The following ZNF445 variants were observed in gnomAD, a reference collection of about 807,000 sequenced individuals.
The protein encoded by ZNF445 is zinc finger protein 445.
ZNF445 carries 19 observed loss-of-function variants against 93.9 expected under a neutral mutation model. The observed-to-expected ratio is 0.20, with a 90% CI of 0.14 to 0.30. ZNF445 has a LOEUF of 0.30. Ranked by LOEUF, ZNF445 falls within the 10% of genes least tolerant of loss-of-function variation. ZNF445 has a pLI of 1.00. For missense variants in ZNF445, 1,058 were observed against 1,259.4 expected, an observed-to-expected ratio of 0.84 and a Z score of 2.42; for synonymous variants, 449 against 446.3, an observed-to-expected ratio of 1.01 and a Z score of -0.08.
chr3:44,463,507 C>T (rs553416807), intron 1 of ZNF445, among the ~76,000 whole-genome samples: 2 of 152,216 alleles, frequency 1.3e-5, no homozygotes, highest in Non-Finnish European at 2.9e-5. Context: ...TGATAGATCC[C>T]TTTCAAAATC....
Position 44,447,436 on chromosome 3 carries a change from C to T in ZNF445, c.2235G>A (p.Gln745=), listed in dbSNP as rs1280213775. 2 of 1,614,194 alleles carry T rather than the reference C, an allele frequency of 1.2e-6. No homozygotes were observed. Among genetic ancestry groups the T allele is most frequent in the South Asian group, 2.2e-5 (2 of 91,082 alleles). ...TCTGAGGAACCTGGAACACTGTGTC[C>T]TGACTAAAAGATGGCCCGCCCTCAG... ...RKPEGGPSFS[Q]DTVFQVPQSS... is the part of the protein sequence containing the mutation. Residue 745 remains glutamine (Q), a synonymous_variant, in exon 8 of 8, where the codon CAG becomes CAA. Transcript: ENST00000396077. The surrounding 1 kb of genome is among the most constrained non-coding windows in gnomAD (Gnocchi z 4.7).
rs547009171 is a variant in ZNF445 at position 44,472,836 on chromosome 3, TAC to T, written c.-269+4753_-269+4754del. Among the ~76,000 whole-genome samples the T allele has an allele frequency of 3.9e-3, 597 of 152,288 alleles. 3 individuals are homozygous for T. The highest frequency in any genetic ancestry group is 0.014 in the African/African-American group (566 of 41,548). ...CTTCTTGCTGAGATTATATCACAATTACACTCAGAACTGGGAAGGAACATGAG... is the reference window on the plus strand; with the variant it reads ...CTTCTTGCTGAGATTATATCACAATTACTCAGAACTGGGAAGGAACATGAG... On this transcript the variant is annotated intron_variant, in intron 1 of 7. Coordinates refer to ENST00000396077, the MANE Select transcript of ZNF445 (RefSeq NM_181489.6).
Position 44,431,866 on chromosome 3 carries a change from G to C in ZNF445, c.*14709C>G, listed in dbSNP as rs1055722010. Reference sequence around the variant, plus strand: ...GACCTAAAGGGTGAAAACAACCACAGACAATATGTAAATGAATGAATATAT... The same window carrying C: ...GACCTAAAGGGTGAAAACAACCACACACAATATGTAAATGAATGAATATAT... On this transcript the variant is annotated 3_prime_UTR_variant, in exon 8 of 8. Coordinates refer to ENST00000396077, the MANE Select transcript of ZNF445 (RefSeq NM_181489.6). 2.0e-5 allele frequency: 3 copies of C among 152,146 alleles called. No homozygotes were observed. The highest frequency in any genetic ancestry group is 7.2e-5 in the African/African-American group (3 of 41,428). The allele number at this position is 152,146 out of a possible 1,614,324, so 9.4% of individuals were successfully genotyped here. A position where few individuals can be genotyped will look rare whatever the true frequency, so the allele number is the denominator to read the frequency against.
At chr3:44,460,446 C>T (rs1039373093) in intron 1 of ZNF445, among the ~76,000 whole-genome samples, 1 of 152,178 alleles carries the variant, frequency 6.6e-6, no homozygotes, top group Non-Finnish European at 1.5e-5. Flanking sequence ...TAGCTGGAAG[C>T]TACAAGATTC....
intron 1 of ZNF445, among the ~76,000 whole-genome samples, chr3:44,469,529 G>A (rs1482079062): frequency 1.3e-5 from 2 of 152,146 alleles, no homozygotes; most frequent in Non-Finnish European, 2.9e-5. Flanking sequence ...AGCACTTTGG[G>A]AGGCTAAGGC....
chr3:44,462,371 G>C (rs1320641372), intron 1 of ZNF445, among the ~76,000 whole-genome samples: 1 of 152,148 alleles, frequency 6.6e-6, no homozygotes, highest in African/African-American at 2.4e-5. Context: ...TCATGTCATA[G>C]GTAGCCCTAA....
intron 3 of ZNF445, chr3:44,454,888 A>C (rs1698006205): frequency 7.0e-6 from 4 of 569,758 alleles, no homozygotes; most frequent in Non-Finnish European, 9.4e-6. Flanking sequence ...ATTTATGGAG[A>C]CTTGCTGACC....
intron 2 of ZNF445, among the ~76,000 whole-genome samples, chr3:44,457,002 G>A (rs972649939): frequency 6.6e-6 from 1 of 152,160 alleles, no homozygotes; most frequent in African/African-American, 2.4e-5. Flanking sequence ...GGTGGCATGT[G>A]CCTATAATCC....
At chr3:44,459,665 A>G (rs781624364) in intron 1 of ZNF445, among the ~76,000 whole-genome samples, 14 of 152,252 alleles carry the variant, frequency 9.2e-5, no homozygotes, top group Admixed American at 2.0e-4. Flanking sequence ...CAAATAGTAG[A>G]TGGAAGAAAC....
chr3:44,477,505 G>C (rs943345876), intron 1 of ZNF445, 86 bp downstream of exon 1: 3 of 152,270 alleles, frequency 2.0e-5, no homozygotes, highest in African/African-American at 7.2e-5. Context: ...CGCCGCCCGG[G>C]CAGGCCCGAG....
chr3:44,448,381 G>T lies in ZNF445; in HGVS notation c.1290C>A (p.Tyr430Ter), dbSNP rs1559392071. The T allele has an allele frequency of 6.2e-7, 1 of 1,614,210 alleles. No homozygotes were observed. The highest frequency in any genetic ancestry group is 8.5e-7 in the Non-Finnish European group (1 of 1,180,050). Residue 430 changes from tyrosine to a stop codon, truncating the protein, a stop_gained, in exon 8 of 8, where the codon TAC (tyrosine) becomes TAA (stop). Coordinates refer to ENST00000396077, the MANE Select transcript of ZNF445 (RefSeq NM_181489.6). LOFTEE classifies it high-confidence loss of function. The stretch of plus-strand genomic sequence containing the variant: ...GTCTGAGCCCCTTCCCATATTTCTT[G>T]TAGTCATAGTGGTGTGAACTCATTC... ...HFRMSSHHYD[Y>*]KKYGKGLRHM...
chr3:44,447,762 T>G lies in ZNF445; in HGVS notation c.1909A>C (p.Arg637=). 6.2e-7 allele frequency: 1 copy of G among 1,614,186 alleles called. No individual in the cohort carries two copies. The highest frequency in any genetic ancestry group is 2.2e-5 in the East Asian group (1 of 44,878). The change falls in exon 8 of 8, where the codon AGA becomes CGA. Residue 637 remains arginine, a synonymous_variant. Transcript: ENST00000396077. The surrounding 1 kb of genome is among the most constrained non-coding windows in gnomAD (Gnocchi z 4.7). ...CTKCRKTFRW[R]SNFTRHMRLH... is the part of the protein sequence containing the mutation. ...CTCATATGACGAGTAAAGTTTGATC[T>G]CCATCTAAAGGTTTTCCTACATTTG... is the stretch of plus-strand genomic sequence containing the variant.
chr3:44,460,459 A>G (rs1487305377), intron 1 of ZNF445, among the ~76,000 whole-genome samples: 2 of 151,944 alleles, frequency 1.3e-5, no homozygotes, highest in African/African-American at 4.8e-5. Flanking sequence ...CAAGATTCTG[A>G]CCCTCCCTAA....
At chr3:44,451,289 G>T (rs769613921) in intron 4 of ZNF445, 25 bp downstream of exon 4, 21 of 1,607,982 alleles carry the variant, frequency 1.3e-5, no homozygotes, top group Non-Finnish European at 8.5e-7. Flanking sequence ...ATAAGGCTGG[G>T]GTCTTAAGGC....
rs1697628827 is a variant in ZNF445 at position 44,434,295 on chromosome 3, TGTA to T, written c.*12277_*12279del. ...TTAGCCGGGCGTGGTGGCGCACACC[TGTA>T]GTCCCAACAGGCTGAGGAAGCAGCT... On this transcript the variant is annotated 3_prime_UTR_variant, in exon 8 of 8. Transcript: ENST00000396077. The T allele has an allele frequency of 6.6e-6, 1 of 150,540 alleles. No individual in the cohort carries two copies. The highest frequency in any genetic ancestry group is 2.1e-4 in the South Asian group (1 of 4,772). 9.3% of individuals were successfully genotyped at this position (150,540 alleles called of 1,614,324 possible).
At chr3:44,476,057 GA>G (rs1048676916) in intron 1 of ZNF445, among the ~76,000 whole-genome samples, 2 of 151,890 alleles carry the variant, frequency 1.3e-5, no homozygotes, top group African/African-American at 4.8e-5. Flanking sequence ...GAATAGGAAG[GA>G]AAAAAAGAAA....
chr3:44,437,701 A>G lies in ZNF445; in HGVS notation c.*8874T>C, dbSNP rs1200742794. On this transcript the variant is annotated 3_prime_UTR_variant, in exon 8 of 8. Transcript: ENST00000396077. ...ACTCGGGTACCCCATCACTTACCCA[A>G]AGTCGTCCAATCAGTGCTGCAGTCT... is the stretch of plus-strand genomic sequence containing the variant. 6.6e-6 allele frequency: 1 copy of G among 152,164 alleles called. No homozygotes were observed. Among genetic ancestry groups the G allele is most frequent in the Non-Finnish European group, 1.5e-5 (1 of 68,052 alleles). The allele number at this position is 152,164 out of a possible 1,614,324, so 9.4% of individuals were successfully genotyped here.
chr3:44,448,060 T>A lies in ZNF445; in HGVS notation c.1611A>T (p.Gly537=). ...NCARHEKIHT[G]VKPYKCDLCE... is the part of the protein sequence containing the mutation. Reference sequence around the variant, plus strand: ...ATAAATCGCATTTATAAGGCTTCACTCCAGTGTGAATTTTCTCATGCCGCG... The same window carrying A: ...ATAAATCGCATTTATAAGGCTTCACACCAGTGTGAATTTTCTCATGCCGCG... Residue 537 remains glycine (G), a synonymous_variant, in exon 8 of 8, where the codon GGA becomes GGT. Coordinates refer to ENST00000396077, the MANE Select transcript of ZNF445 (RefSeq NM_181489.6). 6.2e-7 allele frequency: 1 copy of A among 1,612,496 alleles called. No individual in the cohort carries two copies. Among genetic ancestry groups the A allele is most frequent in the Non-Finnish European group, 8.5e-7 (1 of 1,180,002 alleles).
chr3:44,453,674 A>G (rs1575310873), intron 3 of ZNF445, among the ~76,000 whole-genome samples: 1 of 152,204 alleles, frequency 6.6e-6, no homozygotes, highest in African/African-American at 2.4e-5. Context: ...TACAGGAAGC[A>G]TCAGCTCCCC....
Sources: gnomAD v4.1 joint callset for allele counts (sites outside exome capture counted in the v4.1 genomes callset) on GRCh38, gnomAD v4.1.1 for gene constraint, Gnocchi (gnomAD v3.1) non-coding constraint, MANE v1.5 for transcripts, NCBI Gene and HGNC (gene_info 2026-07-23, HGNC 2026-07-21) for gene names.